The following CELF2 variants were observed in gnomAD, a reference collection of about 807,000 sequenced individuals.
The protein encoded by CELF2 is CUG triplet repeat RNA-binding protein 2.
CELF2 carries 8 observed loss-of-function variants against 62.6 expected under a neutral mutation model. The observed-to-expected ratio is 0.13, with a 90% CI of 0.07 to 0.23. The LOEUF is 0.23. Ranked by LOEUF, CELF2 falls within the 10% of genes least tolerant of loss-of-function variation. CELF2 has a pLI of 1.00. For synonymous variants in CELF2, 258 were observed against 250.0 expected, an observed-to-expected ratio of 1.03 and a Z score of -0.30; for missense variants, 333 against 671.0, an observed-to-expected ratio of 0.50 and a Z score of 5.56.
the CELF2 span, among the ~76,000 whole-genome samples, chr10:10,755,177 A>G: frequency 6.6e-6 from 1 of 152,252 alleles, no homozygotes; most frequent in East Asian, 1.9e-4. Flanking sequence ...CTTAGTAGAT[A>G]CAAAGAATTC....
chr10:11,155,721 A>G (rs935774559), intron 1 of CELF2, among the ~76,000 whole-genome samples: 3 of 152,236 alleles, frequency 2.0e-5, no homozygotes, highest in Non-Finnish European at 4.4e-5. Flanking sequence ...CGTCATTAAT[A>G]TGACATAATT....
At chr10:10,733,691 G>A in the CELF2 span, among the ~76,000 whole-genome samples, 1 of 152,164 alleles carries the variant, frequency 6.6e-6, no homozygotes, top group African/African-American at 2.4e-5. Flanking sequence ...AGAACCAAGT[G>A]AAAGGAGTTT....
the CELF2 span, among the ~76,000 whole-genome samples, chr10:10,665,077 A>C: frequency 6.6e-6 from 1 of 152,210 alleles, no homozygotes; most frequent in Admixed American, 6.5e-5. Context: ...ATTCGTGGGC[A>C]CTTTACAGGT....
chr10:11,140,826 G>A (rs910789368), intron 1 of CELF2, among the ~76,000 whole-genome samples: 8 of 152,032 alleles, frequency 5.3e-5, no homozygotes, highest in South Asian at 2.1e-4. Flanking sequence ...AGACCAGCCC[G>A]GGCAACACAG....
chr10:10,557,386 G>A, the CELF2 span, among the ~76,000 whole-genome samples: 1 of 150,908 alleles, frequency 6.6e-6, no homozygotes, highest in Non-Finnish European at 1.5e-5. Context: ...CTGTTCCATT[G>A]ATCTATATCT....
the CELF2 span, among the ~76,000 whole-genome samples, chr10:10,647,325 G>T: frequency 2.1e-4 from 32 of 152,106 alleles, no homozygotes; most frequent in East Asian, 6.2e-3. Flanking sequence ...CCCACTGCCC[G>T]CCCGCTCCAC....
chr10:11,038,165 C>T (rs1200003703), intron 1 of CELF2, among the ~76,000 whole-genome samples: 6 of 152,154 alleles, frequency 3.9e-5, no homozygotes, highest in Non-Finnish European at 8.8e-5. Flanking sequence ...ATGGCTGCCT[C>T]GGAGAGGACC....
chr10:10,569,544 G>A, the CELF2 span, among the ~76,000 whole-genome samples: 1 of 152,164 alleles, frequency 6.6e-6, no homozygotes, highest in South Asian at 2.1e-4. Flanking sequence ...ATCAGTAAAG[G>A]ATAAAATATA....
the CELF2 span, among the ~76,000 whole-genome samples, chr10:10,786,288 C>T: frequency 2.0e-5 from 3 of 151,896 alleles, no homozygotes; most frequent in Admixed American, 2.0e-4. Context: ...GAGATAATGC[C>T]CATGTTAAGG....
intron 2 of CELF2, among the ~76,000 whole-genome samples, chr10:10,963,127 G>A (rs1049811306): frequency 4.6e-5 from 7 of 151,824 alleles, no homozygotes; most frequent in South Asian, 4.2e-4. Flanking sequence ...TGCAGCCTTC[G>A]CCTCCTGGGT....
Position 11,328,166 on chromosome 10 carries a change from C to A in CELF2, c.1439-760C>A, listed in dbSNP as rs1388591980. On this transcript the variant is annotated intron_variant, in intron 12 of 12. Coordinates refer to ENST00000633077, the MANE Select transcript of CELF2 (RefSeq NM_001326342.2). This position sits in a 1 kb window ranked among gnomAD's most constrained non-coding sequence, Gnocchi z 6.4. Reference sequence around the variant, plus strand: ...CTCTTCAGATGATTAAGTTCTAAGCCGTTGACTATGTATCCCCCAGACTTT... The same window carrying A: ...CTCTTCAGATGATTAAGTTCTAAGCAGTTGACTATGTATCCCCCAGACTTT... Among the ~76,000 whole-genome samples the A allele has an allele frequency of 6.6e-6, 1 of 152,156 alleles. No individual in the cohort carries two copies. The highest frequency in any genetic ancestry group is 2.1e-4 in the South Asian group (1 of 4,826).
intron 1 of CELF2, among the ~76,000 whole-genome samples, chr10:11,138,455 C>T (rs555255332): frequency 1.8e-4 from 28 of 152,314 alleles, no homozygotes; most frequent in African/African-American, 6.5e-4. Context: ...ACAGCTTTTC[C>T]ATGCTTGTCC....
the CELF2 span, among the ~76,000 whole-genome samples, chr10:10,496,386 C>T: frequency 6.6e-6 from 1 of 152,178 alleles, no homozygotes; most frequent in Non-Finnish European, 1.5e-5. Flanking sequence ...ATAGTAGTCT[C>T]CTTTTCTTGC....
chr10:11,202,217 A>G (rs1051690357), intron 2 of CELF2, among the ~76,000 whole-genome samples: 1 of 152,160 alleles, frequency 6.6e-6, no homozygotes, highest in Non-Finnish European at 1.5e-5. Context: ...AGCGTATAAG[A>G]TTGACTAGTA....
the CELF2 span, among the ~76,000 whole-genome samples, chr10:10,500,532 C>T: frequency 0.022 from 3,280 of 152,264 alleles, 86 homozygotes; most frequent in African/African-American, 0.062. Flanking sequence ...TTCTCTCTTG[C>T]CTGCCGCCAT....
chr10:10,605,603 G>A, the CELF2 span, among the ~76,000 whole-genome samples: 8 of 152,224 alleles, frequency 5.3e-5, no homozygotes, highest in South Asian at 2.1e-4. Flanking sequence ...ATAGTCAAAC[G>A]TGAAATCAGC....
the CELF2 span, among the ~76,000 whole-genome samples, chr10:10,739,882 A>G: frequency 5.9e-5 from 9 of 151,448 alleles, no homozygotes; most frequent in Non-Finnish European, 1.2e-4. Context: ...GGTCATTTTT[A>G]CTCTTCTTTG....
At chr10:10,704,561 G>T in the CELF2 span, among the ~76,000 whole-genome samples, 1 of 152,110 alleles carries the variant, frequency 6.6e-6, no homozygotes, top group East Asian at 1.9e-4. Context: ...ACATCAAGGG[G>T]TACTTCATTT....
intron 1 of CELF2, among the ~76,000 whole-genome samples, chr10:10,907,494 A>T (rs933929560): frequency 6.6e-6 from 1 of 152,252 alleles, no homozygotes; most frequent in Non-Finnish European, 1.5e-5. Flanking sequence ...ATTGCACTCA[A>T]TTGCAATATG....
Sources: allele counts gnomAD v4.1 joint callset (sites outside exome capture counted in the v4.1 genomes callset), GRCh38; gene constraint gnomAD v4.1.1; non-coding constraint Gnocchi (gnomAD v3.1); transcripts MANE v1.5; gene names NCBI Gene and HGNC (gene_info 2026-07-23, HGNC 2026-07-21).